Variants in ACBD6 observed in about 807,000 individuals in gnomAD.
ACBD6 encodes acyl-CoA binding domain containing 6.
Under a neutral mutation model 37.2 loss-of-function variants are expected in ACBD6, and 28 were observed. The ratio of observed to expected loss-of-function variants is 0.75; its 90% CI spans 0.56 to 1.03. ACBD6 has a LOEUF of 1.03. Ranked by LOEUF, ACBD6 falls within the 50% of genes least tolerant of loss-of-function variation. ACBD6 has a pLI of 0.00. For synonymous variants in ACBD6, 113 were observed against 126.8 expected, an observed-to-expected ratio of 0.89 and a Z score of 0.73; for missense variants, 340 against 337.4, an observed-to-expected ratio of 1.01 and a Z score of -0.06.
intron 6 of ACBD6, among the ~76,000 whole-genome samples, chr1:180,359,851 T>C (rs1247336890): frequency 1.3e-5 from 2 of 152,194 alleles, no homozygotes; most frequent in African/African-American, 4.8e-5. Flanking sequence ...AAATGGCATG[T>C]AACTCTAGAC....
At chr1:180,338,921 CAT>C (rs1651855735) in intron 6 of ACBD6, among the ~76,000 whole-genome samples, 1 of 152,166 alleles carries the variant, frequency 6.6e-6, no homozygotes, top group Non-Finnish European at 1.5e-5. Flanking sequence ...CCAAAAGACA[CAT>C]GAAAAGATGC....
chr1:180,344,325 G>C (rs1210949137), intron 6 of ACBD6, among the ~76,000 whole-genome samples: 1 of 152,072 alleles, frequency 6.6e-6, no homozygotes, highest in Non-Finnish European at 1.5e-5. Context: ...GGACTGGGCT[G>C]CATGCCAACC....
intron 4 of ACBD6, among the ~76,000 whole-genome samples, chr1:180,415,430 C>A (rs58780303): frequency 0.043 from 6,401 of 150,450 alleles, 429 homozygotes; most frequent in African/African-American, 0.14. Flanking sequence ...AAAAAAAAAA[C>A]ACCATGTCTA....
chr1:180,368,668 T>G (rs1653142459), intron 6 of ACBD6, among the ~76,000 whole-genome samples: 1 of 151,966 alleles, frequency 6.6e-6, no homozygotes, highest in Non-Finnish European at 1.5e-5. Flanking sequence ...AAATCCCCAG[T>G]GAATGCCTGA....
At chr1:180,347,572 G>A (rs1426726996) in intron 6 of ACBD6, among the ~76,000 whole-genome samples, 1 of 152,106 alleles carries the variant, frequency 6.6e-6, no homozygotes, top group Non-Finnish European at 1.5e-5. Context: ...GGCCCAGCTG[G>A]TAGAAAGATC....
chr1:180,500,847 AAAAAAGT>A (rs1348423142), intron 1 of ACBD6, among the ~76,000 whole-genome samples: 2 of 151,734 alleles, frequency 1.3e-5, no homozygotes, highest in African/African-American at 2.4e-5. Context: ...AAAAAAAAAA[AAAAAAGT>A]GAGTGTCATG....
At chr1:180,501,607 C>T (rs182100400) in intron 1 of ACBD6, among the ~76,000 whole-genome samples, 343 of 152,274 alleles carry the variant, frequency 2.3e-3, no homozygotes, top group Admixed American at 3.9e-3. Context: ...CGTGAGCAAC[C>T]ACGCCCAGCC....
intron 6 of ACBD6, among the ~76,000 whole-genome samples, chr1:180,361,911 C>G (rs1652868588): frequency 6.6e-6 from 1 of 151,724 alleles, no homozygotes; most frequent in Non-Finnish European, 1.5e-5. Context: ...TTGATTCCCC[C>G]CACCCCCATT....
chr1:180,335,063 G>C (rs1242705217), intron 6 of ACBD6, among the ~76,000 whole-genome samples: 3 of 152,128 alleles, frequency 2.0e-5, no homozygotes, highest in African/African-American at 7.2e-5. Context: ...ATGGGGAGAA[G>C]GGAACCAAGT....
At chr1:180,486,326 C>CA (rs544389305) in intron 3 of ACBD6, among the ~76,000 whole-genome samples, 2 of 152,268 alleles carry the variant, frequency 1.3e-5, no homozygotes, top group South Asian at 4.1e-4. Flanking sequence ...GTGAGGGACA[C>CA]AAAAAAATCA....
intron 3 of ACBD6, among the ~76,000 whole-genome samples, chr1:180,443,306 A>G (rs898568924): frequency 2.0e-5 from 3 of 152,168 alleles, no homozygotes; most frequent in Admixed American, 6.5e-5. Flanking sequence ...CCTGACTGGT[A>G]GGAAACAAAA....
At chr1:180,341,645 C>T (rs1436544611) in intron 6 of ACBD6, among the ~76,000 whole-genome samples, 1 of 152,130 alleles carries the variant, frequency 6.6e-6, no homozygotes, top group African/African-American at 2.4e-5. Flanking sequence ...ATTCCTCCTT[C>T]CCATTATCTC....
At chr1:180,424,760 G>A (rs1407987829) in intron 4 of ACBD6, among the ~76,000 whole-genome samples, 1 of 152,008 alleles carries the variant, frequency 6.6e-6, no homozygotes, top group Non-Finnish European at 1.5e-5. Flanking sequence ...AAAGGAAGAG[G>A]AGAAGAAAAA....
intron 6 of ACBD6, among the ~76,000 whole-genome samples, chr1:180,333,368 T>C (rs902216754): frequency 2.0e-5 from 3 of 152,214 alleles, no homozygotes; most frequent in African/African-American, 4.8e-5. Context: ...ACAAGTGATA[T>C]AGCTTTTGAA....
At chr1:180,429,587 TTTC>T (rs1369403502) in intron 4 of ACBD6, among the ~76,000 whole-genome samples, 2 of 152,196 alleles carry the variant, frequency 1.3e-5, no homozygotes, top group Non-Finnish European at 2.9e-5. Flanking sequence ...GAGATTCTGC[TTTC>T]TTGTTTCTGC....
intron 3 of ACBD6, among the ~76,000 whole-genome samples, chr1:180,468,298 C>G (rs1420841639): frequency 6.6e-6 from 1 of 152,186 alleles, no homozygotes; most frequent in Admixed American, 6.5e-5. Flanking sequence ...CTTTGTCCCC[C>G]ATGTCCTAAG....
At chr1:180,308,640 G>A (rs1031572084) in intron 7 of ACBD6, among the ~76,000 whole-genome samples, 25 of 152,022 alleles carry the variant, frequency 1.6e-4, no homozygotes, top group Non-Finnish European at 3.2e-4. Context: ...TCTTTTAAAC[G>A]AAGGATATAG....
At chr1:180,441,328 C>T (rs1282453720) in intron 3 of ACBD6, among the ~76,000 whole-genome samples, 1 of 152,152 alleles carries the variant, frequency 6.6e-6, no homozygotes, top group Non-Finnish European at 1.5e-5. Context: ...ATCCTTATAC[C>T]AGTACCATAC....
chr1:180,453,150 C>T (rs1649779771), intron 3 of ACBD6, among the ~76,000 whole-genome samples: 1 of 152,166 alleles, frequency 6.6e-6, no homozygotes, highest in Admixed American at 6.5e-5. Flanking sequence ...TGATGAACAT[C>T]GATGCAAAAA....
Sources: gnomAD v4.1 joint callset for allele counts (sites outside exome capture counted in the v4.1 genomes callset) on GRCh38, gnomAD v4.1.1 for gene constraint, MANE v1.5 for transcripts, NCBI Gene and HGNC (gene_info 2026-07-23, HGNC 2026-07-21) for gene names.